The following MDGA2 variants were observed in gnomAD, a reference collection of about 807,000 sequenced individuals.
MDGA2 encodes the protein MAM domain containing glycosylphosphatidylinositol anchor 2.
MDGA2 carries 40 observed loss-of-function variants against 117.8 expected under a neutral mutation model. The observed-to-expected ratio is 0.34, with a 90% confidence interval of 0.26 to 0.44. The LOEUF is 0.44. MDGA2 is among the 20% of genes least tolerant of loss of function. The probability of loss-of-function intolerance (pLI) is 1.00; values close to 1 mark genes in which losing one functional copy is unlikely to be tolerated. For missense variants in MDGA2, 1,123 were observed against 1,250.6 expected (o/e 0.90, Z 1.54); for synonymous variants, 452 against 439.0 (o/e 1.03, Z -0.37).
intron 1 of MDGA2, among the ~76,000 whole-genome samples, chr14:47,377,913 C>A (rs1191904499): frequency 6.6e-6 from 1 of 152,218 alleles, no homozygotes; most frequent in African/African-American, 2.4e-5. Flanking sequence ...ACTGCCTCCT[C>A]AAGTGGGTCC....
intron 1 of MDGA2, among the ~76,000 whole-genome samples, chr14:47,317,964 C>T (rs182240516): frequency 6.6e-5 from 10 of 152,180 alleles, no homozygotes; most frequent in Non-Finnish European, 1.5e-4. Context: ...TTTTTTCAGC[C>T]TTTCCTACAT....
intron 1 of MDGA2, among the ~76,000 whole-genome samples, chr14:47,552,691 A>G (rs1273329735): frequency 6.6e-6 from 1 of 152,158 alleles, no homozygotes; most frequent in Non-Finnish European, 1.5e-5. Context: ...AAGTCAGATC[A>G]TGTCACTCCT....
intron 8 of MDGA2, among the ~76,000 whole-genome samples, chr14:46,993,274 T>C (rs1374423571): frequency 6.6e-6 from 1 of 152,176 alleles, no homozygotes; most frequent in African/African-American, 2.4e-5. Flanking sequence ...GGAAGCAATT[T>C]GCCTTCTCTA....
rs530477840 is a variant in MDGA2, at chr14:47,519,650, C to T, written c.280+154867G>A. ...AGAGGGAAGTGGAAAAATTTTATCC[C>T]TCTTTACCCTCCCTAATTACTTTCC... is the stretch of plus-strand genomic sequence containing the variant. On this transcript the variant is annotated intron_variant, in intron 1 of 16. Coordinates refer to ENST00000399232, the MANE Select transcript of MDGA2 (RefSeq NM_001113498.3). 2.0e-5 allele frequency among the ~76,000 whole-genome samples: 3 copies of T among 152,270 alleles called. No homozygotes were observed. In the East Asian group the frequency reaches 5.8e-4, roughly 29 times the overall value.
intron 1 of MDGA2, among the ~76,000 whole-genome samples, chr14:47,607,897 C>A (rs893502204): frequency 6.6e-6 from 1 of 151,976 alleles, no homozygotes; most frequent in Non-Finnish European, 1.5e-5. Flanking sequence ...GAAAAGTGTT[C>A]ATAATATGAT....
chr14:46,924,604 C>G (rs1484278954), intron 9 of MDGA2, among the ~76,000 whole-genome samples: 1 of 151,778 alleles, frequency 6.6e-6, no homozygotes, highest in African/African-American at 2.4e-5. Flanking sequence ...ATAGCTAATA[C>G]ATATTGCTTT....
chr14:47,601,502 C>T (rs1170093362), intron 1 of MDGA2, among the ~76,000 whole-genome samples: 1 of 152,040 alleles, frequency 6.6e-6, no homozygotes, highest in Non-Finnish European at 1.5e-5. Context: ...ATAAAGGATG[C>T]TTACATATAA....
intron 1 of MDGA2, among the ~76,000 whole-genome samples, chr14:47,609,538 G>A (rs1231173769): frequency 9.0e-5 from 13 of 144,652 alleles, no homozygotes; most frequent in African/African-American, 3.3e-4. Flanking sequence ...GAATTGTGCT[G>A]CTATAAAAAT....
chr14:46,967,534 C>T (rs1886083630), intron 8 of MDGA2, among the ~76,000 whole-genome samples: 1 of 152,186 alleles, frequency 6.6e-6, no homozygotes, highest in Admixed American at 6.5e-5. Context: ...GACAACCTCT[C>T]TCTCCATGAA....
chr14:47,221,164 G>T (rs1176166686), intron 2 of MDGA2, among the ~76,000 whole-genome samples: 1 of 152,020 alleles, frequency 6.6e-6, no homozygotes, highest in Non-Finnish European at 1.5e-5. Flanking sequence ...TAATAACCTA[G>T]CAAAACCTAG....
At chr14:47,592,152 G>C (rs770625200) in intron 1 of MDGA2, among the ~76,000 whole-genome samples, 17 of 151,968 alleles carry the variant, frequency 1.1e-4, no homozygotes, top group Non-Finnish European at 1.6e-4. Flanking sequence ...CTGCCGCAAA[G>C]AGAATAAAAT....
At chr14:47,412,730 C>A (rs181321073) in intron 1 of MDGA2, among the ~76,000 whole-genome samples, 1 of 152,210 alleles carries the variant, frequency 6.6e-6, no homozygotes, top group Non-Finnish European at 1.5e-5. Context: ...CTATCACCAA[C>A]ATCAGCTTCA....
chr14:47,359,491 G>A (rs1279783899), intron 1 of MDGA2, among the ~76,000 whole-genome samples: 1 of 151,972 alleles, frequency 6.6e-6, no homozygotes, highest in African/African-American at 2.4e-5. Flanking sequence ...ACAAACTCAA[G>A]CATATATGGT....
intron 9 of MDGA2, among the ~76,000 whole-genome samples, chr14:46,931,667 C>T: frequency 6.6e-6 from 1 of 151,674 alleles, no homozygotes; most frequent in Non-Finnish European, 1.5e-5. Context: ...GGACTAGAGG[C>T]ATGAGCCACC....
chr14:47,209,050 CCTTTT>C (rs991781756), intron 3 of MDGA2, among the ~76,000 whole-genome samples: 5 of 150,800 alleles, frequency 3.3e-5, no homozygotes, highest in African/African-American at 1.2e-4. Context: ...ATGATTATAT[CCTTTT>C]TTTTTAAATT....
At chr14:47,634,375 A>G (rs922581275) in intron 1 of MDGA2, among the ~76,000 whole-genome samples, 4 of 152,216 alleles carry the variant, frequency 2.6e-5, no homozygotes, top group Admixed American at 2.0e-4. Flanking sequence ...AATCATATCA[A>G]GAAGTAGACA....
intron 8 of MDGA2, among the ~76,000 whole-genome samples, chr14:46,999,836 C>T (rs1887439577): frequency 6.6e-6 from 1 of 152,032 alleles, no homozygotes; most frequent in Non-Finnish European, 1.5e-5. Context: ...TGGAAGGGCA[C>T]ACATACCTAA....
chr14:47,266,059 C>T (rs1887955722), intron 2 of MDGA2, among the ~76,000 whole-genome samples: 1 of 151,956 alleles, frequency 6.6e-6, no homozygotes, highest in Admixed American at 6.6e-5. Context: ...TCATTTAATC[C>T]TCACAGCAAA....
At chr14:47,217,202 C>G (rs931579792) in intron 3 of MDGA2, among the ~76,000 whole-genome samples, 18 of 152,054 alleles carry the variant, frequency 1.2e-4, no homozygotes, top group African/African-American at 4.1e-4. Context: ...AAAACAACAT[C>G]TCTCAGTTGT....
Sources: allele counts gnomAD v4.1 joint callset (sites outside exome capture counted in the v4.1 genomes callset), GRCh38; gene constraint gnomAD v4.1.1; transcripts MANE v1.5; gene names NCBI Gene and HGNC (gene_info 2026-07-23, HGNC 2026-07-21).